The following ASCC3 variants were observed in gnomAD, a reference collection of about 807,000 sequenced individuals.
The protein encoded by ASCC3 is ASC-1 complex subunit P200.
ASCC3 carries 158 observed loss-of-function variants against 256.3 expected under a neutral mutation model. That is an observed-to-expected ratio of 0.62 (90% CI 0.54 to 0.70). The LOEUF (loss-of-function observed/expected upper bound fraction) is 0.70. Ranked by LOEUF, ASCC3 falls within the 30% of genes least tolerant of loss-of-function variation. The pLI, the probability that ASCC3 is intolerant of heterozygous loss-of-function variation, is 0.00. For synonymous variants in ASCC3, 948 were observed against 883.4 expected, an observed-to-expected ratio of 1.07 and a Z score of -1.30; for missense variants, 2,259 against 2,626.0, an observed-to-expected ratio of 0.86 and a Z score of 3.05.
At chr6:100,732,610 G>C (rs961943945) in intron 10 of ASCC3, among the ~76,000 whole-genome samples, 2 of 152,164 alleles carry the variant, frequency 1.3e-5, no homozygotes, top group Admixed American at 1.3e-4. Flanking sequence ...AGAGCTTCCT[G>C]ATAGAAACCT....
At chr6:100,720,541 G>T (rs898035989) in intron 11 of ASCC3, among the ~76,000 whole-genome samples, 7 of 151,780 alleles carry the variant, frequency 4.6e-5, no homozygotes, top group Non-Finnish European at 1.0e-4. Context: ...TTTTGAAAGA[G>T]GGTCAATGAT....
At chr6:100,873,720 T>C (rs1047056711) in intron 1 of ASCC3, among the ~76,000 whole-genome samples, 1 of 152,214 alleles carries the variant, frequency 6.6e-6, no homozygotes, top group African/African-American at 2.4e-5. Flanking sequence ...TGGAGCCCTA[T>C]CTTCAGCCTC....
chr6:100,706,532 G>C (rs939762551), intron 13 of ASCC3, among the ~76,000 whole-genome samples: 3 of 151,786 alleles, frequency 2.0e-5, no homozygotes, highest in Admixed American at 6.6e-5. Context: ...ACCAGTTCTT[G>C]TGTGATGGAA....
intron 37 of ASCC3, among the ~76,000 whole-genome samples, chr6:100,533,567 A>G (rs1435985419): frequency 6.6e-6 from 1 of 152,178 alleles, no homozygotes; most frequent in Non-Finnish European, 1.5e-5. Flanking sequence ...AACTTTCCCA[A>G]ACTAACTCAG....
intron 39 of ASCC3, among the ~76,000 whole-genome samples, chr6:100,514,088 C>T (rs537502219): frequency 1.3e-5 from 2 of 152,072 alleles, no homozygotes; most frequent in African/African-American, 2.4e-5. Context: ...ATGAACCAAA[C>T]TACCCCTTAG....
chr6:100,759,575 G>T (rs188666038), intron 10 of ASCC3, among the ~76,000 whole-genome samples: 157 of 151,842 alleles, frequency 1.0e-3, no homozygotes, highest in Non-Finnish European at 1.9e-3. Context: ...AGTATAGTTT[G>T]AAGTCAGGTA....
intron 2 of ASCC3, among the ~76,000 whole-genome samples, chr6:100,866,843 G>A (rs1458332787): frequency 6.6e-6 from 1 of 152,028 alleles, no homozygotes; most frequent in Non-Finnish European, 1.5e-5. Context: ...CCTAATCTGT[G>A]GTATTTTGTT....
chr6:100,620,477 C>T (rs536430763), intron 30 of ASCC3, among the ~76,000 whole-genome samples: 1 of 152,040 alleles, frequency 6.6e-6, no homozygotes, highest in Non-Finnish European at 1.5e-5. Flanking sequence ...TTTGCCTTTG[C>T]CAATAAATTA....
rs149069036 is a variant in ASCC3 at position 100,820,851 on chromosome 6, G to T, written c.802-14971C>A. Among the ~76,000 whole-genome samples the T allele has an allele frequency of 3.4e-3, 516 of 152,182 alleles. 2 individuals are homozygous for T. Among genetic ancestry groups the T allele is most frequent in the African/African-American group, 0.011 (473 of 41,506 alleles). Reference sequence around the variant, plus strand: ...CTGAATTTCTGCATGGACTATACACGAATGACCAATAACCAGGATGAAACT... The same window carrying T: ...CTGAATTTCTGCATGGACTATACACTAATGACCAATAACCAGGATGAAACT... On this transcript the variant is annotated intron_variant, in intron 4 of 41. Transcript: ENST00000369162.
At chr6:100,695,422 C>A (rs1299384203) in intron 13 of ASCC3, among the ~76,000 whole-genome samples, 1 of 152,076 alleles carries the variant, frequency 6.6e-6, no homozygotes. Flanking sequence ...CTTCCAGACA[C>A]CTTGGGTCTT....
chr6:100,530,968 T>C, intron 37 of ASCC3: 1 of 1,548,760 alleles, frequency 6.5e-7, no homozygotes. Context: ...CTAATTATGA[T>C]GAAGGAGCAT....
chr6:100,639,355 G>A (rs904502105), intron 24 of ASCC3, among the ~76,000 whole-genome samples: 2 of 152,106 alleles, frequency 1.3e-5, no homozygotes, highest in African/African-American at 2.4e-5. Context: ...AACAAAACCT[G>A]CCCTGAGAAA....
At position 100,642,677 on chromosome 6, in the gene ASCC3, T is replaced by G. The variant is rs1775186741; in HGVS notation, c.3805A>C (p.Ile1269Leu). 4 of 1,613,940 alleles carry G rather than the reference T, an allele frequency of 2.5e-6. No homozygotes were observed. The highest frequency in any genetic ancestry group is 4.5e-5 in the East Asian group (2 of 44,838). Reference protein sequence around the residue: ...IFEPLPSQYYIRAVSDRWLGA... With the variant: ...IFEPLPSQYYLRAVSDRWLGA... ...AACCATCTATCAGACACTGCTCGGA[T>G]GTAGTATTGGGAAGGCAAAGGCTCA... is the stretch of plus-strand genomic sequence containing the variant. The change falls in exon 24 of 42, where the codon ATC becomes CTC. Residue 1269 changes from isoleucine to leucine, a missense_variant. Physicochemically the swap from Ile to Leu is conservative, Grantham distance 5 (BLOSUM62 2). Transcript: ENST00000369162.
At chr6:100,547,320 T>G (rs1326755261) in intron 36 of ASCC3, among the ~76,000 whole-genome samples, 1 of 151,872 alleles carries the variant, frequency 6.6e-6, no homozygotes, top group East Asian at 1.9e-4. Flanking sequence ...AGGAAAAAAT[T>G]TATTTGATGG....
intron 4 of ASCC3, among the ~76,000 whole-genome samples, chr6:100,847,516 A>T (rs705595): frequency 0.2 from 30,134 of 152,054 alleles, 3,263 homozygotes; most frequent in African/African-American, 0.26. Context: ...TACAGCTAGT[A>T]TTTTTTCTGT....
At chr6:100,855,011 CT>C (rs1772872548) in intron 3 of ASCC3, among the ~76,000 whole-genome samples, 1 of 151,966 alleles carries the variant, frequency 6.6e-6, no homozygotes, top group Non-Finnish European at 1.5e-5. Context: ...TAAAATGCCT[CT>C]ACTAAGGAAT....
At chr6:100,527,196 T>A (rs867445659) in intron 37 of ASCC3, among the ~76,000 whole-genome samples, 2 of 152,206 alleles carry the variant, frequency 1.3e-5, no homozygotes, top group Admixed American at 1.3e-4. Flanking sequence ...TTAATGCTCA[T>A]AGTTCCTTGA....
intron 10 of ASCC3, among the ~76,000 whole-genome samples, chr6:100,745,077 C>T (rs2115079056): frequency 6.6e-6 from 1 of 152,286 alleles, no homozygotes; most frequent in African/African-American, 2.4e-5. Flanking sequence ...GCCTGTAATC[C>T]CAGCACTTTG....
At chr6:100,608,100 A>ATATATATGTATATATATCTATATATACG in intron 30 of ASCC3, among the ~76,000 whole-genome samples, 1 of 124,786 alleles carries the variant, frequency 8.0e-6, no homozygotes, top group African/African-American at 3.3e-5. Flanking sequence ...CTATATACAC[A>ATATATATGTATATATATCTATATATACG]TATATATGTA....
Sources: gnomAD v4.1 joint callset for allele counts (sites outside exome capture counted in the v4.1 genomes callset) on GRCh38, gnomAD v4.1.1 for gene constraint, MANE v1.5 for transcripts, NCBI Gene and HGNC (gene_info 2026-07-23, HGNC 2026-07-21) for gene names.